The following DMXL1 variants were observed in gnomAD, a reference collection of about 807,000 sequenced individuals.
DMXL1 encodes the protein Dmx like 1.
In DMXL1, 99 loss-of-function variants were observed where a neutral mutation model predicts 319.2. That is an observed-to-expected ratio of 0.31 (90% CI 0.26 to 0.37). The LOEUF (loss-of-function observed/expected upper bound fraction) is 0.37. Ranked by LOEUF, DMXL1 falls within the 10% of genes least tolerant of loss-of-function variation. DMXL1 has a pLI of 1.00. For synonymous variants in DMXL1, 1,385 were observed against 1,235.2 expected, an observed-to-expected ratio of 1.12 and a Z score of -2.54; for missense variants, 3,745 against 3,595.6, an observed-to-expected ratio of 1.04 and a Z score of -1.06.
At chr5:119,115,146 G>A (rs12659055) in intron 6 of DMXL1, among the ~76,000 whole-genome samples, 61,594 of 152,022 alleles carry the variant, frequency 0.41, 14,143 homozygotes, top group East Asian at 0.85. Flanking sequence ...TGTAATATGA[G>A]GATAAAAACA....
intron 19 of DMXL1, chr5:119,154,707 G>A (rs77966622): frequency 0.039 from 5,966 of 154,220 alleles, 309 homozygotes; most frequent in African/African-American, 0.12. Flanking sequence ...GTTTTCCAGA[G>A]GATCTAGCTA....
At chr5:119,127,691 G>A (rs1005623055) in intron 9 of DMXL1, 3 of 187,960 alleles carry the variant, frequency 1.6e-5, no homozygotes, top group South Asian at 9.9e-5. Flanking sequence ...TGCCTGCTCT[G>A]GCCTCCCAGA....
intron 5 of DMXL1, among the ~76,000 whole-genome samples, chr5:119,112,256 C>T (rs916524743): frequency 1.3e-5 from 2 of 152,224 alleles, no homozygotes; most frequent in African/African-American, 2.4e-5. Flanking sequence ...CCACCGTGCC[C>T]GGCCTGATAA....
At position 119,133,897 on chromosome 5, in the gene DMXL1, A is replaced by T. The variant is rs1156305441; in HGVS notation, c.1973A>T (p.His658Leu). The T allele has an allele frequency of 6.2e-7, 1 of 1,614,160 alleles. No individual in the cohort carries two copies. The highest frequency in any genetic ancestry group is 8.5e-7 in the Non-Finnish European group (1 of 1,180,036). ...CCATTATTGCTGACAACATCACACCATAATGCATTAAGGACACCAGATGTT... is the reference window on the plus strand; with the variant it reads ...CCATTATTGCTGACAACATCACACCTTAATGCATTAAGGACACCAGATGTT... Reference protein sequence around the residue: ...VLPLLLTTSHHNALRTPDVDN... With the variant: ...VLPLLLTTSHLNALRTPDVDN... Residue 658 changes from histidine (H) to leucine (L), a missense_variant, in exon 12 of 44, where the codon CAT becomes CTT. Physicochemically the swap from His to Leu is moderately conservative, Grantham distance 99. Coordinates refer to ENST00000539542, the MANE Select transcript of DMXL1 (RefSeq NM_001290321.3).
intron 1 of DMXL1, among the ~76,000 whole-genome samples, chr5:119,090,762 T>G (rs974890370): frequency 1.3e-5 from 2 of 151,930 alleles, no homozygotes; most frequent in Non-Finnish European, 2.9e-5. Flanking sequence ...AGACGGGGTT[T>G]CACCATGTTG....
chr5:119,152,243 A>G (rs945907500), intron 19 of DMXL1, among the ~76,000 whole-genome samples: 2 of 152,214 alleles, frequency 1.3e-5, no homozygotes, highest in African/African-American at 2.4e-5. Flanking sequence ...GGAGTTAATG[A>G]AGAAACATAC....
Position 119,107,502 on chromosome 5 carries a change from C to G in DMXL1, c.364+2244C>G, listed in dbSNP as rs202086217. ...TGTTTTAGACTTTTTATGCTTTTTTCCTGCTTTACTATCCATAATATCCTG... is the reference window on the plus strand; with the variant it reads ...TGTTTTAGACTTTTTATGCTTTTTTGCTGCTTTACTATCCATAATATCCTG... On this transcript the variant is annotated intron_variant, in intron 4 of 43. Coordinates refer to ENST00000539542, the MANE Select transcript of DMXL1 (RefSeq NM_001290321.3). Among the ~76,000 whole-genome samples, 41 of 152,030 alleles carry G rather than the reference C, an allele frequency of 2.7e-4. 1 individual carries two copies. In the East Asian group the frequency reaches 4.2e-3, roughly 16 times the overall value.
intron 9 of DMXL1, 42 bp downstream of exon 9, chr5:119,121,181 G>T (rs1464241552): frequency 1.3e-6 from 2 of 1,492,272 alleles, no homozygotes; most frequent in Non-Finnish European, 1.8e-6. Context: ...AAATTGAATA[G>T]ATTGATTTTA....
intron 4 of DMXL1, 136 bp downstream of exon 4, chr5:119,105,394 C>T: frequency 1.6e-6 from 1 of 639,994 alleles, no homozygotes; most frequent in Middle Eastern, 3.1e-4. Flanking sequence ...GGATTATGCC[C>T]TTTTAGAGTT....
chr5:119,194,456 C>T (rs957470869), intron 30 of DMXL1, among the ~76,000 whole-genome samples: 4 of 152,150 alleles, frequency 2.6e-5, no homozygotes, highest in East Asian at 3.8e-4. Flanking sequence ...TCCAATACTG[C>T]GTTATTCTTA....
chr5:119,182,924 T>G (rs960888319), intron 28 of DMXL1, among the ~76,000 whole-genome samples: 4 of 152,192 alleles, frequency 2.6e-5, no homozygotes, highest in African/African-American at 9.6e-5. Flanking sequence ...ATACTTTTGC[T>G]TTTTATTCTG....
chr5:119,165,963 G>A (rs1773355188), intron 21 of DMXL1, among the ~76,000 whole-genome samples: 1 of 152,136 alleles, frequency 6.6e-6, no homozygotes, highest in Non-Finnish European at 1.5e-5. Context: ...TTAAATGGTG[G>A]AGTCTGGAAC....
At chr5:119,146,520 C>T (rs1366940000) in intron 15 of DMXL1, among the ~76,000 whole-genome samples, 2 of 151,896 alleles carry the variant, frequency 1.3e-5, no homozygotes, top group Non-Finnish European at 1.5e-5. Context: ...AGTTGAAGTA[C>T]ATATTACATA....
At chr5:119,242,257 C>A (rs1257208618) in intron 42 of DMXL1, among the ~76,000 whole-genome samples, 1 of 151,992 alleles carries the variant, frequency 6.6e-6, no homozygotes, top group Non-Finnish European at 1.5e-5. Context: ...CTAAGTGGAC[C>A]CACACATTTC....
chr5:119,122,248 C>T (rs1340263088), intron 9 of DMXL1, among the ~76,000 whole-genome samples: 1 of 145,340 alleles, frequency 6.9e-6, no homozygotes, highest in Non-Finnish European at 1.5e-5. Flanking sequence ...GACGGGGCGG[C>T]TGGCTGGGCG....
In DMXL1 at chr5:119,118,981, G is replaced by A; in HGVS notation, c.910G>A (p.Glu304Lys). 6.2e-7 allele frequency: 1 copy of A among 1,611,638 alleles called. No homozygotes were observed. The highest frequency in any genetic ancestry group is 8.5e-7 in the Non-Finnish European group (1 of 1,179,148). ...NNFKRNASSKERVQNALEVNL... is the reference protein window; with the variant it reads ...NNFKRNASSKKRVQNALEVNL... ...CTTCAAGAGAAATGCTTCCAGTAAA[G>A]AACGAGTTCAAAATGCTTTAGAAGT... Residue 304 changes from glutamate (E) to lysine (K), a missense_variant, in exon 8 of 44, where the codon GAA becomes AAA. Physicochemically the swap from Glu to Lys is moderately conservative, Grantham distance 56. Around this residue, in one of 4 missense-constraint regions of DMXL1, gnomAD observed 2,096 missense variants for 1,985.4 expected, o/e 1.06. Coordinates refer to ENST00000539542, the MANE Select transcript of DMXL1 (RefSeq NM_001290321.3).
chr5:119,083,421 GGTACTGTGAATA>G (rs1223192160), intron 1 of DMXL1, among the ~76,000 whole-genome samples: 1 of 152,018 alleles, frequency 6.6e-6, no homozygotes, highest in African/African-American at 2.4e-5. Context: ...TATTATCTTG[GGTACTGTGAATA>G]GTGCTGCAAA....
rs1761936464 is a variant in DMXL1 at position 119,121,069 on chromosome 5, C to T, written c.1032C>T (p.His344=). 6 of 1,613,610 alleles carry T rather than the reference C, an allele frequency of 3.7e-6. No homozygotes were observed. The South Asian group carries it at 5.5e-5, about 15-fold the overall frequency. Residue 344 remains histidine (H), a synonymous_variant, in exon 9 of 44, where the codon CAC becomes CAT. Transcript: ENST00000539542. The part of the protein sequence containing the change: ...LPHQQDPHHV[H]RNTPLHANAL... ...ATCAGCAGGATCCTCATCATGTTCA[C>T]AGGAACACTCCACTGCATGCCAATG...
At position 119,148,923 on chromosome 5, in the gene DMXL1, T is replaced by C. The variant is rs372244147; in HGVS notation, c.3096T>C (p.Asp1032=). 3.2e-5 allele frequency: 52 copies of C among 1,613,792 alleles called. No individual in the cohort carries two copies. In the African/African-American group the frequency reaches 5.9e-4, roughly 18 times the overall value. The part of the protein sequence containing the change: ...IWEEWPLLIE[D]GLQSNSSITV... ...AAGAATGGCCATTACTTATTGAAGA[T>C]GGACTTCAGAGCAATAGTAGTATAA... is the stretch of plus-strand genomic sequence containing the variant. The change falls in exon 18 of 44, where the codon GAT becomes GAC. Residue 1032 remains aspartate (D), a synonymous_variant. Coordinates refer to ENST00000539542, the MANE Select transcript of DMXL1 (RefSeq NM_001290321.3).
Sources: allele counts gnomAD v4.1 joint callset (sites outside exome capture counted in the v4.1 genomes callset), GRCh38; gene constraint gnomAD v4.1.1; regional missense constraint gnomAD v4.1.1; transcripts MANE v1.5; gene names NCBI Gene and HGNC (gene_info 2026-07-23, HGNC 2026-07-21).